The following GRID2 variants were observed in gnomAD, a reference collection of about 807,000 sequenced individuals.
GRID2 encodes glutamate ionotropic receptor delta type subunit 2, also known as glutamate receptor ionotropic, delta-2.
GRID2 carries 33 observed loss-of-function variants against 114.8 expected under a neutral mutation model. That is an observed-to-expected ratio of 0.29 (90% CI 0.22 to 0.38). GRID2 has a LOEUF of 0.38. GRID2 is among the 10% of genes least tolerant of loss of function. The pLI is 1.00. For missense variants in GRID2, 1,184 were observed against 1,257.7 expected (o/e 0.94, Z 0.89); for synonymous variants, 505 against 449.9 (o/e 1.12, Z -1.55).
intron 2 of GRID2, among the ~76,000 whole-genome samples, chr4:92,783,390 T>C (rs1739174614): frequency 6.6e-6 from 1 of 152,114 alleles, no homozygotes; most frequent in African/African-American, 2.4e-5. Context: ...TGTTGTATTG[T>C]TTCCTTACTA....
chr4:92,334,711 C>T (rs1028670150), intron 1 of GRID2, among the ~76,000 whole-genome samples: 1 of 152,158 alleles, frequency 6.6e-6, no homozygotes, highest in African/African-American at 2.4e-5. Context: ...CTCAACACTA[C>T]TACAATGGGG....
chr4:92,637,471 T>C (rs1029808338), intron 2 of GRID2, among the ~76,000 whole-genome samples: 5 of 152,054 alleles, frequency 3.3e-5, no homozygotes, highest in Admixed American at 1.3e-4. Context: ...CTTGGAGTTG[T>C]ATTGTGAATA....
chr4:92,851,673 C>T (rs1039978077), intron 2 of GRID2, among the ~76,000 whole-genome samples: 5 of 151,914 alleles, frequency 3.3e-5, no homozygotes, highest in Non-Finnish European at 7.4e-5. Flanking sequence ...ACTTAAAACA[C>T]TTGTTCAACT....
chr4:93,767,757 A>G (rs948207825), intron 14 of GRID2, among the ~76,000 whole-genome samples: 3 of 152,196 alleles, frequency 2.0e-5, no homozygotes, highest in Non-Finnish European at 4.4e-5. Flanking sequence ...GAAACAGGTA[A>G]AAAGGTCACT....
At chr4:93,008,508 A>G (rs1161190389) in intron 2 of GRID2, among the ~76,000 whole-genome samples, 14 of 151,888 alleles carry the variant, frequency 9.2e-5, no homozygotes, top group Admixed American at 9.2e-4. Flanking sequence ...TTTCAAAATG[A>G]ATGTGTTTTT....
intron 14 of GRID2, among the ~76,000 whole-genome samples, chr4:93,631,403 C>G (rs947019289): frequency 2.0e-5 from 3 of 152,112 alleles, no homozygotes; most frequent in South Asian, 2.1e-4. Context: ...GTGTGATGCT[C>G]CCCTTCCCGT....
intron 1 of GRID2, among the ~76,000 whole-genome samples, chr4:92,455,076 C>T (rs1266022593): frequency 5.9e-5 from 9 of 152,098 alleles, no homozygotes; most frequent in Admixed American, 1.3e-4. Flanking sequence ...TTTTATATAG[C>T]ACCGCTGTAA....
chr4:92,407,265 C>G (rs1434849824), intron 1 of GRID2, among the ~76,000 whole-genome samples: 1 of 152,010 alleles, frequency 6.6e-6, no homozygotes, highest in African/African-American at 2.4e-5. Context: ...GGAGACAGAG[C>G]CAAATAATAT....
At chr4:92,411,307 G>A (rs915811316) in intron 1 of GRID2, among the ~76,000 whole-genome samples, 5 of 151,958 alleles carry the variant, frequency 3.3e-5, no homozygotes, top group African/African-American at 1.2e-4. Context: ...ATGAAACGGA[G>A]GCTTGTGAGA....
intron 1 of GRID2, among the ~76,000 whole-genome samples, chr4:93,788,115 A>G (rs199740836): frequency 1.3e-5 from 2 of 152,016 alleles, no homozygotes; most frequent in Non-Finnish European, 2.9e-5. Context: ...TCAGGAGTTC[A>G]AGACCAGCCT....
chr4:92,545,818 G>T (rs1726225173), intron 1 of GRID2, among the ~76,000 whole-genome samples: 1 of 152,104 alleles, frequency 6.6e-6, no homozygotes, highest in South Asian at 2.1e-4. Context: ...AGCCAGCTCA[G>T]ATTTTTCTTC....
chr4:93,320,127 AG>A (rs1470146632), intron 8 of GRID2, among the ~76,000 whole-genome samples: 2 of 152,158 alleles, frequency 1.3e-5, no homozygotes, highest in South Asian at 4.1e-4. Flanking sequence ...ATAAAGCGAA[AG>A]AAAGGCTTTT....
rs556948998 is a variant in GRID2, at chr4:93,601,354, A to T, written c.2194-24915A>T. ...TCCTATACATCATATCCTACCCAAC[A>T]TAAATACATGGGTGTCCTGGAACAT... On this transcript the variant is annotated intron_variant, in intron 13 of 15. Coordinates refer to ENST00000282020, the MANE Select transcript of GRID2 (RefSeq NM_001510.4). Among the ~76,000 whole-genome samples, 4 of 152,306 alleles carry T rather than the reference A, an allele frequency of 2.6e-5. No homozygotes were observed. The South Asian group carries it at 8.3e-4, about 32-fold the overall frequency.
intron 2 of GRID2, among the ~76,000 whole-genome samples, chr4:92,869,529 G>T (rs1357511272): frequency 6.6e-6 from 1 of 152,114 alleles, no homozygotes; most frequent in East Asian, 1.9e-4. Flanking sequence ...TGTGTCCTTG[G>T]TGTCCAAAAC....
intron 2 of GRID2, among the ~76,000 whole-genome samples, chr4:92,658,458 G>A (rs1297942679): frequency 6.6e-6 from 1 of 151,740 alleles, no homozygotes; most frequent in Non-Finnish European, 1.5e-5. Flanking sequence ...TAGCCACGCT[G>A]GTAAAGGCAT....
intron 4 of GRID2, among the ~76,000 whole-genome samples, chr4:93,184,940 T>A (rs181416030): frequency 1.3e-3 from 194 of 152,282 alleles, no homozygotes; most frequent in Middle Eastern, 3.4e-3. Flanking sequence ...TATTTGTAGT[T>A]ACTATAATGT....
chr4:92,940,059 G>T (rs1457596256), intron 2 of GRID2, among the ~76,000 whole-genome samples: 1 of 146,678 alleles, frequency 6.8e-6, no homozygotes, highest in Non-Finnish European at 1.5e-5. Context: ...GCTCTTTTTT[G>T]GTTCCATATG....
intron 12 of GRID2, among the ~76,000 whole-genome samples, chr4:93,512,947 A>G (rs1729341270): frequency 6.6e-6 from 1 of 152,198 alleles, no homozygotes; most frequent in South Asian, 2.1e-4. Flanking sequence ...AGCAGCATTT[A>G]GCCAGGGTGA....
intron 2 of GRID2, among the ~76,000 whole-genome samples, chr4:92,658,810 TATATATATAC>T (rs201581753): frequency 0.03 from 4,339 of 145,354 alleles, 292 homozygotes; most frequent in East Asian, 0.073. Flanking sequence ...TATATATATA[TATATATATAC>T]ACACACACAA....
Sources: allele counts gnomAD v4.1 joint callset (sites outside exome capture counted in the v4.1 genomes callset), GRCh38; gene constraint gnomAD v4.1.1; transcripts MANE v1.5; gene names NCBI Gene and HGNC (gene_info 2026-07-23, HGNC 2026-07-21).